PLG: variants seen among roughly 807,000 people sequenced by gnomAD.
The protein encoded by PLG is plasmin.
Under a neutral mutation model 104.4 loss-of-function variants are expected in PLG, and 41 were observed. That is an observed-to-expected ratio of 0.39 (90% CI 0.31 to 0.51). The LOEUF (loss-of-function observed/expected upper bound fraction) is 0.51, where lower values mean the gene tolerates loss of function less well. Ranked by LOEUF, PLG falls within the 20% of genes least tolerant of loss-of-function variation. PLG has a pLI of 0.76. For synonymous variants in PLG, 337 were observed against 357.1 expected, an observed-to-expected ratio of 0.94 and a Z score of 0.63; for missense variants, 891 against 1,003.6, an observed-to-expected ratio of 0.89 and a Z score of 1.52.
chr6:160,748,378 A>AAGAGAGAGAGAGAG (rs1405091216), intron 17 of PLG, among the ~76,000 whole-genome samples: 3 of 41,804 alleles, frequency 7.2e-5, no homozygotes, highest in East Asian at 3.1e-3. Flanking sequence ...GAAAGAAAGA[A>AAGAGAGAGAGAGAG]AGAAAGAAAG....
intron 10 of PLG, among the ~76,000 whole-genome samples, chr6:160,729,820 G>A (rs1388733222): frequency 6.6e-6 from 1 of 152,222 alleles, no homozygotes; most frequent in African/African-American, 2.4e-5. Context: ...GTTTACACAA[G>A]TATAGGTGAT....
At chr6:160,713,192 C>G in intron 5 of PLG, 67 bp downstream of exon 5, 2 of 1,200,834 alleles carry the variant, frequency 1.7e-6, no homozygotes, top group Non-Finnish European at 2.5e-6. Flanking sequence ...TGTTGTAAAG[C>G]CCCTTCCCAC....
At chr6:160,727,975 GGAAA>G (rs1777944820) in intron 10 of PLG, among the ~76,000 whole-genome samples, 3 of 151,768 alleles carry the variant, frequency 2.0e-5, no homozygotes, top group South Asian at 2.1e-4. Context: ...AAAAAAGGAA[GGAAA>G]GAAAGAAAGG....
Position 160,714,924 on chromosome 6 carries a change from A to C in PLG, c.668+10A>C, listed in dbSNP as rs759131753. 1.2e-6 allele frequency: 2 copies of C among 1,612,828 alleles called. No homozygotes were observed. Among genetic ancestry groups the C allele is most frequent in the Admixed American group, 3.3e-5 (2 of 60,006 alleles). ...GATACATTCCTTCCAAGTAAGTCTCACTGGGAAAAACATTCCATGTTTAAT... is the reference window on the plus strand; with the variant it reads ...GATACATTCCTTCCAAGTAAGTCTCCCTGGGAAAAACATTCCATGTTTAAT... On this transcript the variant is annotated intron_variant, in intron 6 of 18. Transcript: ENST00000308192.
In PLG at chr6:160,718,465, C is replaced by G; in HGVS notation, c.950+9C>G. ...GAAAACTTCCCCTGCAAGTAAGTCCCCTCCGGTCTCATTCTGCTGCTATGG... is the reference window on the plus strand; with the variant it reads ...GAAAACTTCCCCTGCAAGTAAGTCCGCTCCGGTCTCATTCTGCTGCTATGG... On this transcript the variant is annotated intron_variant, in intron 8 of 18. Coordinates refer to ENST00000308192, the MANE Select transcript of PLG (RefSeq NM_000301.5). The G allele has an allele frequency of 6.2e-7, 1 of 1,604,036 alleles. No individual in the cohort carries two copies. The highest frequency in any genetic ancestry group is 1.3e-5 in the African/African-American group (1 of 74,872).
chr6:160,707,432 TGAA>T (rs1377688253), intron 2 of PLG, among the ~76,000 whole-genome samples: 1 of 151,324 alleles, frequency 6.6e-6, no homozygotes, highest in South Asian at 2.1e-4. Flanking sequence ...AGAAGATGAG[TGAA>T]GAAGAAGTAA....
chr6:160,711,406 T>C (rs1289167567), intron 4 of PLG: 1 of 715,528 alleles, frequency 1.4e-6, no homozygotes, highest in African/African-American at 1.8e-5. Context: ...TATACTGTAT[T>C]GTTTTTATTT....
At chr6:160,727,738 A>G (rs936192865) in intron 10 of PLG, among the ~76,000 whole-genome samples, 1 of 151,998 alleles carries the variant, frequency 6.6e-6, no homozygotes. Context: ...CTTATCCATG[A>G]TAAAATGTCT....
Position 160,741,493 on chromosome 6 carries a change from G to A in PLG, c.2125+76G>A, listed in dbSNP as rs1454846583. On this transcript the variant is annotated intron_variant, in intron 17 of 18. Coordinates refer to ENST00000308192, the MANE Select transcript of PLG (RefSeq NM_000301.5). The surrounding 1 kb of genome is among the most constrained non-coding windows in gnomAD (Gnocchi z 4.7). The stretch of plus-strand genomic sequence containing the variant: ...CATGTGACAAAATGATCATTTTGGA[G>A]AAAGCTGTGCAAATTCCTATCCATG... The A allele has an allele frequency of 5.3e-6, 5 of 938,664 alleles. No homozygotes were observed. Among genetic ancestry groups the A allele is most frequent in the African/African-American group, 4.9e-5 (3 of 61,836 alleles). 58.1% of individuals were successfully genotyped at this position (938,664 alleles called of 1,614,324 possible). A position where few individuals can be genotyped will look rare whatever the true frequency, so the allele number is the denominator to read the frequency against.
At chr6:160,704,426 C>T (rs985232990) in intron 1 of PLG, among the ~76,000 whole-genome samples, 33 of 152,174 alleles carry the variant, frequency 2.2e-4, no homozygotes, top group African/African-American at 8.0e-4. Context: ...GTAGCCTGCT[C>T]TGCTATACTT....
At position 160,737,556 on chromosome 6, in the gene PLG, A is replaced by G. The variant is rs774742640; in HGVS notation, c.1802+549A>G. On this transcript the variant is annotated intron_variant, in intron 14 of 18. Transcript: ENST00000308192. This position sits in a 1 kb window ranked among gnomAD's most constrained non-coding sequence, Gnocchi z 4.7. Reference sequence around the variant, plus strand: ...AATGAAGAGTGATCAGTCCAATCCCAGGGAACCTGGACATTTTGGGTATTG... The same window carrying G: ...AATGAAGAGTGATCAGTCCAATCCCGGGGAACCTGGACATTTTGGGTATTG... 7.9e-5 allele frequency among the ~76,000 whole-genome samples: 12 copies of G among 152,244 alleles called. No homozygotes were observed. Among genetic ancestry groups the G allele is most frequent in the Non-Finnish European group, 1.5e-4 (10 of 68,044 alleles).
rs1303080591 is a variant in PLG at position 160,738,610 on chromosome 6, G to A, written c.1875G>A (p.Glu625=). 6.3e-7 allele frequency: 1 copy of A among 1,598,176 alleles called. No homozygotes were observed. The highest frequency in any genetic ancestry group is 8.6e-7 in the Non-Finnish European group (1 of 1,165,396). The change falls in exon 15 of 19, where the codon GAG becomes GAA. Residue 625 remains glutamate, a splice_region_variant and synonymous_variant. Coordinates refer to ENST00000308192, the MANE Select transcript of PLG (RefSeq NM_000301.5). The surrounding 1 kb of genome is among the most constrained non-coding windows in gnomAD (Gnocchi z 6.8). Reference sequence around the variant, plus strand: ...TGTTGACTGCTGCCCACTGCTTGGAGAAGTATGTTTAGGGGACAATTGACA... The same window carrying A: ...TGTTGACTGCTGCCCACTGCTTGGAAAAGTATGTTTAGGGGACAATTGACA... ...EWVLTAAHCL[E]KSPRPSSYKV...
chr6:160,716,362 C>A (rs754485604), intron 6 of PLG, among the ~76,000 whole-genome samples: 1 of 152,186 alleles, frequency 6.6e-6, no homozygotes, highest in Non-Finnish European at 1.5e-5. Flanking sequence ...ACCTAAAGGG[C>A]TGAAGCGGGA....
At position 160,734,213 on chromosome 6, in the gene PLG, C is replaced by T. The variant is rs947894151; in HGVS notation, c.1681+125C>T. On this transcript the variant is annotated intron_variant, in intron 13 of 18. Transcript: ENST00000308192. The surrounding 1 kb of genome is among the most constrained non-coding windows in gnomAD (Gnocchi z 4.4). ...TAGCTGCCCTCTCCATCAGACCCCA[C>T]TCTTCATCATGGGCATCTTGAATCT... is the stretch of plus-strand genomic sequence containing the variant. 3.1e-6 allele frequency: 2 copies of T among 641,876 alleles called. No homozygotes were observed. Among genetic ancestry groups the T allele is most frequent in the Non-Finnish European group, 5.9e-6 (2 of 339,980 alleles). The allele number at this position is 641,876 out of a possible 1,614,324, so 39.8% of individuals were successfully genotyped here.
chr6:160,710,063 A>C (rs1347456725), intron 3 of PLG, among the ~76,000 whole-genome samples: 1 of 152,170 alleles, frequency 6.6e-6, no homozygotes, highest in Non-Finnish European at 1.5e-5. Flanking sequence ...TACAATAATT[A>C]CTTTCCTTAT....
Position 160,731,816 on chromosome 6 carries a change from G to C in PLG, c.1510G>C (p.Asp504His), listed in dbSNP as rs767246436. 1.2e-6 allele frequency: 2 copies of C among 1,613,936 alleles called. No homozygotes were observed. The highest frequency in any genetic ancestry group is 2.2e-5 in the South Asian group (2 of 91,066). Residue 504 changes from aspartate (D) to histidine (H), a missense_variant, in exon 12 of 19, where the codon GAC becomes CAC. By Grantham distance (81) the Asp-to-His change is moderately conservative. This residue lies in a region of PLG where 854 missense variants were observed against 932.1 expected (regional missense o/e 0.92). Coordinates refer to ENST00000308192, the MANE Select transcript of PLG (RefSeq NM_000301.5). This position sits in a 1 kb window ranked among gnomAD's most constrained non-coding sequence, Gnocchi z 5.1. Reference protein sequence around the residue: ...ATTVTGTPCQDWAAQEPHRHS... With the variant: ...ATTVTGTPCQHWAAQEPHRHS... The stretch of plus-strand genomic sequence containing the variant: ...CACTGTTACTGGGACGCCATGCCAG[G>C]ACTGGGCTGCCCAGGAGCCCCATAG...
intron 3 of PLG, among the ~76,000 whole-genome samples, chr6:160,710,240 A>G (rs1354776720): frequency 6.6e-6 from 1 of 152,226 alleles, no homozygotes; most frequent in African/African-American, 2.4e-5. Flanking sequence ...CTTGTTAAAA[A>G]CATTTAATTT....
In PLG at chr6:160,725,365, T is replaced by C. The variant is rs1358908435; in HGVS notation, c.1256+2798T>C. Among the ~76,000 whole-genome samples, 2 of 152,184 alleles carry C rather than the reference T, an allele frequency of 1.3e-5. No individual in the cohort carries two copies. Among genetic ancestry groups the C allele is most frequent in the Non-Finnish European group, 2.9e-5 (2 of 68,026 alleles). ...TAGGAAATAAATGGTAGTATACTGTTCTAAGTTTCTTGCATTATCCATGAA... is the reference window on the plus strand; with the variant it reads ...TAGGAAATAAATGGTAGTATACTGTCCTAAGTTTCTTGCATTATCCATGAA... On this transcript the variant is annotated intron_variant, in intron 10 of 18. Transcript: ENST00000308192. The surrounding 1 kb of genome is among the most constrained non-coding windows in gnomAD (Gnocchi z 6.3).
Position 160,741,122 on chromosome 6 carries a change from C to T in PLG, c.2019-189C>T, listed in dbSNP as rs1385266555. 6.6e-6 allele frequency among the ~76,000 whole-genome samples: 1 copy of T among 152,224 alleles called. No individual in the cohort carries two copies. Among genetic ancestry groups the T allele is most frequent in the African/African-American group, 2.4e-5 (1 of 41,456 alleles). On this transcript the variant is annotated intron_variant, in intron 16 of 18. Coordinates refer to ENST00000308192, the MANE Select transcript of PLG (RefSeq NM_000301.5). The surrounding 1 kb of genome is among the most constrained non-coding windows in gnomAD (Gnocchi z 4.7). ...ATGCCTTTCAAATGAAACCTTACAT[C>T]TGCATAGTCCATAGACAACCACAGG...
Sources: gnomAD v4.1 joint callset for allele counts (sites outside exome capture counted in the v4.1 genomes callset) on GRCh38, gnomAD v4.1.1 for gene constraint, gnomAD v4.1.1 regional missense constraint, Gnocchi (gnomAD v3.1) non-coding constraint, MANE v1.5 for transcripts, NCBI Gene and HGNC (gene_info 2026-07-23, HGNC 2026-07-21) for gene names.